CACHD1: variants seen among roughly 807,000 people sequenced by gnomAD.
The protein encoded by CACHD1 is cache domain containing 1.
CACHD1 carries 71 observed loss-of-function variants against 138.7 expected under a neutral mutation model. The observed-to-expected ratio is 0.51, with a 90% CI of 0.42 to 0.62. CACHD1 has a LOEUF of 0.62. CACHD1 is among the 20% of genes least tolerant of loss of function. The pLI is 0.00. For synonymous variants in CACHD1, 578 were observed against 591.5 expected (o/e 0.98, Z 0.33); for missense variants, 1,389 against 1,625.3 (o/e 0.85, Z 2.50).
At position 64,582,224 on chromosome 1, in the gene CACHD1, A is replaced by G. The variant is rs1647018706; in HGVS notation, c.330A>G (p.Val110=). The G allele has an allele frequency of 1.2e-6, 2 of 1,613,952 alleles. No individual in the cohort carries two copies. The highest frequency in any genetic ancestry group is 1.7e-5 in the Admixed American group (1 of 60,000). The change falls in exon 3 of 27, where the codon GTA becomes GTG. Residue 110 remains valine, a synonymous_variant. Transcript: ENST00000651257. ...LDVVNRNKQV[V]EASYTAHLTS... ...TGGTCAATCGGAACAAGCAAGTTGT[A>G]GAAGCATCCTATACGGCTCACCTAA...
At chr1:64,539,187 G>A (rs564568756) in intron 1 of CACHD1, among the ~76,000 whole-genome samples, 23 of 152,232 alleles carry the variant, frequency 1.5e-4, no homozygotes, top group Non-Finnish European at 3.2e-4. Flanking sequence ...TTTGCGAAAA[G>A]GCTTAGGAAC....
At chr1:64,491,821 G>C (rs931877418) in intron 1 of CACHD1, among the ~76,000 whole-genome samples, 3 of 152,068 alleles carry the variant, frequency 2.0e-5, no homozygotes, top group Admixed American at 6.5e-5. Flanking sequence ...GGGTCTTACT[G>C]TCTTGCCCAG....
chr1:64,640,692 GACACACACACACACACAC>G lies in CACHD1; in HGVS notation c.1007-1105_1007-1088del, dbSNP rs35423621. Among the ~76,000 whole-genome samples the G allele has an allele frequency of 3.3e-4, 48 of 143,798 alleles. 1 individual carries two copies. The highest frequency in any genetic ancestry group is 2.3e-3 in the East Asian group (11 of 4,880). The allele number at this position is 143,798 out of a possible 152,430, so 94.3% of individuals were successfully genotyped here. On this transcript the variant is annotated intron_variant, in intron 7 of 26. Transcript: ENST00000651257. ...CAGTCTTAAAATATATATATATACAGACACACACACACACACACACACACACACACACACACACACTCT... is the reference window on the plus strand; with the variant it reads ...CAGTCTTAAAATATATATATATACAGACACACACACACACACACACACTCT...
intron 20 of CACHD1, 58 bp from the exon 21 acceptor site, chr1:64,675,839 G>A (rs755203314): frequency 8.7e-7 from 1 of 1,152,182 alleles, no homozygotes; most frequent in Non-Finnish European, 1.2e-6. Context: ...CCCAGCACAT[G>A]TACAACTTAC....
At chr1:64,546,707 A>G (rs1438039636) in intron 1 of CACHD1, among the ~76,000 whole-genome samples, 3 of 152,126 alleles carry the variant, frequency 2.0e-5, no homozygotes, top group Non-Finnish European at 4.4e-5. Flanking sequence ...TAACCAGGAA[A>G]ATCTTTACCC....
chr1:64,499,750 A>G (rs985416491), intron 1 of CACHD1, among the ~76,000 whole-genome samples: 5 of 152,236 alleles, frequency 3.3e-5, no homozygotes, highest in African/African-American at 1.2e-4. Flanking sequence ...CAGTACTTTG[A>G]AATTACAGTA....
rs910494020 is a variant in CACHD1, at chr1:64,691,653, C to T, written c.*92C>T. 3 of 1,143,738 alleles carry T rather than the reference C, an allele frequency of 2.6e-6. No homozygotes were observed. The highest frequency in any genetic ancestry group is 3.9e-5 in the Admixed American group (2 of 51,354). 70.8% of individuals were successfully genotyped at this position (1,143,738 alleles called of 1,614,324 possible). ...CCGGCTTAAAACCCACAGCAAGAGA[C>T]CTCCCTTGTGTTTGTGCTTTGTGCA... On this transcript the variant is annotated 3_prime_UTR_variant, in exon 27 of 27. Transcript: ENST00000651257.
chr1:64,628,715 T>G (rs1381736455), intron 4 of CACHD1, among the ~76,000 whole-genome samples: 3 of 152,170 alleles, frequency 2.0e-5, no homozygotes, highest in Admixed American at 1.3e-4. Flanking sequence ...ATAAATCACT[T>G]AAGCATATTT....
At chr1:64,504,197 T>G (rs1646355180) in intron 1 of CACHD1, among the ~76,000 whole-genome samples, 1 of 152,010 alleles carries the variant, frequency 6.6e-6, no homozygotes, top group Non-Finnish European at 1.5e-5. Context: ...CCTGGCTAAT[T>G]TTTGTATTTT....
At chr1:64,573,268 TA>T (rs1646940020) in intron 2 of CACHD1, among the ~76,000 whole-genome samples, 1 of 152,098 alleles carries the variant, frequency 6.6e-6, no homozygotes, top group African/African-American at 2.4e-5. Context: ...TAGAGTACTC[TA>T]TATAAGACGA....
chr1:64,527,861 T>A (rs1206836866), intron 1 of CACHD1, among the ~76,000 whole-genome samples: 2 of 152,242 alleles, frequency 1.3e-5, no homozygotes, highest in African/African-American at 2.4e-5. Context: ...AGGCCTCTTG[T>A]AAATTAGGGT....
At chr1:64,554,154 C>T (rs1484940133) in intron 2 of CACHD1, among the ~76,000 whole-genome samples, 1 of 152,122 alleles carries the variant, frequency 6.6e-6, no homozygotes, top group Non-Finnish European at 1.5e-5. Flanking sequence ...GCCTCAGCCT[C>T]CCGAGTAGTT....
intron 1 of CACHD1, among the ~76,000 whole-genome samples, chr1:64,486,828 A>C (rs1382560521): frequency 3.3e-5 from 5 of 152,206 alleles, no homozygotes; most frequent in African/African-American, 1.2e-4. Flanking sequence ...AGAGGGAGAT[A>C]AATATTTAAA....
At chr1:64,634,995 C>CAAAAAAAA (rs71056059) in intron 7 of CACHD1, among the ~76,000 whole-genome samples, 2 of 63,874 alleles carry the variant, frequency 3.1e-5, no homozygotes, top group Non-Finnish European at 5.2e-5. Context: ...GACTCTGTCT[C>CAAAAAAAA]AAAAAAAAAA....
At position 64,500,773 on chromosome 1, in the gene CACHD1, C is replaced by T. The variant is rs555700402; in HGVS notation, c.198+29831C>T. ...GAGAGAGAGAGAGAGAGAGTCCGGA[C>T]GCGGTGGCTCATGCCTGTAATCCCA... On this transcript the variant is annotated intron_variant, in intron 1 of 26. Transcript: ENST00000651257. Among the ~76,000 whole-genome samples the T allele has an allele frequency of 4.4e-3, 651 of 147,282 alleles. 8 individuals are homozygous for T. Among genetic ancestry groups the T allele is most frequent in the African/African-American group, 0.016 (625 of 39,368 alleles).
Position 64,680,505 on chromosome 1 carries a change from C to T in CACHD1, c.3406+749C>T, listed in dbSNP as rs543355603. ...TCCATCTGAAAAAAAAAAAAGTCAT[C>T]GAAGCCAAGTACAAAATGATTCACC... On this transcript the variant is annotated intron_variant, in intron 24 of 26. Coordinates refer to ENST00000651257, the MANE Select transcript of CACHD1 (RefSeq NM_020925.4). Among the ~76,000 whole-genome samples the T allele has an allele frequency of 9.6e-4, 146 of 151,964 alleles. 6 individuals are homozygous for T. In the South Asian group the frequency reaches 0.029, roughly 30 times the overall value.
Position 64,471,265 on chromosome 1 carries a change from T to G in CACHD1, c.198+323T>G, listed in dbSNP as rs1646142491. 2.6e-5 allele frequency among the ~76,000 whole-genome samples: 4 copies of G among 152,258 alleles called. No individual in the cohort carries two copies. The South Asian group carries it at 8.3e-4, about 32-fold the overall frequency. On this transcript the variant is annotated intron_variant, in intron 1 of 26. Transcript: ENST00000651257. ...TTCTCCAGTTTCCTCGCACGTCTTC[T>G]CTAATTTGCACACATTTCCCATGTA... is the stretch of plus-strand genomic sequence containing the variant.
At chr1:64,472,431 G>C (rs1646151381) in intron 1 of CACHD1, among the ~76,000 whole-genome samples, 1 of 152,204 alleles carries the variant, frequency 6.6e-6, no homozygotes, top group South Asian at 2.1e-4. Flanking sequence ...GAGGACTGAG[G>C]AGTGGATGGA....
intron 22 of CACHD1, among the ~76,000 whole-genome samples, chr1:64,677,854 T>G (rs1650047953): frequency 6.6e-6 from 1 of 152,166 alleles, no homozygotes; most frequent in Non-Finnish European, 1.5e-5. Context: ...TAACAAACAT[T>G]GGGGTCATTT....
Sources: allele counts gnomAD v4.1 joint callset (sites outside exome capture counted in the v4.1 genomes callset), GRCh38; gene constraint gnomAD v4.1.1; transcripts MANE v1.5; gene names NCBI Gene and HGNC (gene_info 2026-07-23, HGNC 2026-07-21).